CDH20: variants seen among roughly 807,000 people sequenced by gnomAD.
CDH20 encodes cadherin 20, also known as cadherin-20.
In CDH20, 29 loss-of-function variants were observed where a neutral mutation model predicts 74.2. The ratio of observed to expected loss-of-function variants is 0.39; its 90% CI spans 0.29 to 0.53. CDH20 has a LOEUF of 0.53. Ranked by LOEUF, CDH20 falls within the 20% of genes least tolerant of loss-of-function variation. CDH20 has a pLI of 0.69. For missense variants in CDH20, 988 were observed against 1,048.3 expected (o/e 0.94, Z 0.79); for synonymous variants, 469 against 405.4 (o/e 1.16, Z -1.88).
chr18:61,521,700 C>A (rs1912213014), intron 6 of CDH20, among the ~76,000 whole-genome samples: 1 of 151,324 alleles, frequency 6.6e-6, no homozygotes, highest in African/African-American at 2.5e-5. Flanking sequence ...CTGAATCCAG[C>A]AGCACATCAA....
rs73453542 is a variant in CDH20, at chr18:61,498,664, C to T, written c.247-522C>T. 7.5e-3 allele frequency among the ~76,000 whole-genome samples: 1,140 copies of T among 152,262 alleles called. 13 individuals are homozygous for T. The highest frequency in any genetic ancestry group is 0.026 in the African/African-American group (1,074 of 41,532). On this transcript the variant is annotated intron_variant, in intron 2 of 11. Transcript: ENST00000262717. ...ATCACAGAATGGGAGGAAGAATCCA[C>T]GGAGGTCATTCACTTTTCTCACTGC...
At chr18:61,392,544 T>C (rs1450486902) in intron 1 of CDH20, among the ~76,000 whole-genome samples, 1 of 152,164 alleles carries the variant, frequency 6.6e-6, no homozygotes, top group Non-Finnish European at 1.5e-5. Flanking sequence ...CTTGGAATTA[T>C]GTATTTCTAG....
At chr18:61,423,685 C>T (rs1374817268) in intron 1 of CDH20, among the ~76,000 whole-genome samples, 1 of 152,036 alleles carries the variant, frequency 6.6e-6, no homozygotes, top group Non-Finnish European at 1.5e-5. Context: ...CTGCTTCTCT[C>T]CAGCCTTCAC....
At chr18:61,428,483 G>A (rs1337731989) in intron 1 of CDH20, among the ~76,000 whole-genome samples, 1 of 152,116 alleles carries the variant, frequency 6.6e-6, no homozygotes, top group African/African-American at 2.4e-5. Flanking sequence ...AGCCACAGAT[G>A]GCTGCTGGGG....
At chr18:61,444,652 T>C (rs1191541014) in intron 1 of CDH20, among the ~76,000 whole-genome samples, 4 of 152,190 alleles carry the variant, frequency 2.6e-5, no homozygotes, top group Non-Finnish European at 5.9e-5. Flanking sequence ...GCAAGTCCTG[T>C]GCAAGTCTAC....
intron 1 of CDH20, among the ~76,000 whole-genome samples, chr18:61,373,521 T>C (rs1376670870): frequency 6.6e-6 from 1 of 152,104 alleles, no homozygotes; most frequent in Non-Finnish European, 1.5e-5. Flanking sequence ...CACTCTGATT[T>C]TGAGTTGTTG....
intron 1 of CDH20, among the ~76,000 whole-genome samples, chr18:61,368,535 A>G (rs1910932092): frequency 6.6e-6 from 1 of 152,088 alleles, no homozygotes; most frequent in Non-Finnish European, 1.5e-5. Flanking sequence ...TGTAATATAC[A>G]TAATATTTTA....
At chr18:61,472,174 AC>A (rs773962574) in intron 1 of CDH20, among the ~76,000 whole-genome samples, 4 of 150,732 alleles carry the variant, frequency 2.7e-5, no homozygotes, top group Admixed American at 6.6e-5. Context: ...GCTCCCTCCC[AC>A]CCCCATACAT....
intron 1 of CDH20, among the ~76,000 whole-genome samples, chr18:61,474,075 A>C (rs1047132546): frequency 1.3e-5 from 2 of 152,088 alleles, no homozygotes; most frequent in African/African-American, 4.8e-5. Flanking sequence ...CTTTGCTTCC[A>C]TCTCCCACCC....
intron 10 of CDH20, among the ~76,000 whole-genome samples, chr18:61,548,238 T>C (rs750998304): frequency 6.6e-6 from 1 of 152,192 alleles, no homozygotes; most frequent in Admixed American, 6.5e-5. Context: ...AGGTTATGCT[T>C]ATCTGAATTT....
intron 3 of CDH20, among the ~76,000 whole-genome samples, chr18:61,500,102 TAAAAA>T (rs534695760): frequency 1.8e-5 from 1 of 56,576 alleles, no homozygotes; most frequent in South Asian, 9.6e-4. Flanking sequence ...GACTCCATCT[TAAAAA>T]AAAAAAAAAA....
chr18:61,477,395 A>G (rs565288936), intron 1 of CDH20, among the ~76,000 whole-genome samples: 1 of 152,206 alleles, frequency 6.6e-6, no homozygotes, highest in African/African-American at 2.4e-5. Context: ...TTACTGTACT[A>G]GTTTATTCTG....
At chr18:61,347,593 T>C (rs1910173039) in intron 1 of CDH20, among the ~76,000 whole-genome samples, 1 of 151,844 alleles carries the variant, frequency 6.6e-6, no homozygotes, top group Non-Finnish European at 1.5e-5. Context: ...AACACATGCT[T>C]TGTTAAACGT....
intron 3 of CDH20, among the ~76,000 whole-genome samples, chr18:61,500,102 TAAAAAAAAAAAAAAA>T (rs534695760): frequency 3.4e-4 from 19 of 56,540 alleles, no homozygotes; most frequent in Non-Finnish European, 5.2e-4. Flanking sequence ...GACTCCATCT[TAAAAAAAAAAAAAAA>T]AAAAAAAAAA....
At chr18:61,396,219 T>C (rs1911972747) in intron 1 of CDH20, among the ~76,000 whole-genome samples, 1 of 152,152 alleles carries the variant, frequency 6.6e-6, no homozygotes, top group African/African-American at 2.4e-5. Flanking sequence ...CTGCTATTAA[T>C]AGTATTGCCC....
chr18:61,454,066 A>T (rs937534906), intron 1 of CDH20, among the ~76,000 whole-genome samples: 2 of 152,136 alleles, frequency 1.3e-5, no homozygotes, highest in East Asian at 3.9e-4. Flanking sequence ...AATGATGTTT[A>T]ACATCTTTTC....
At chr18:61,376,674 A>G (rs1911243791) in intron 1 of CDH20, among the ~76,000 whole-genome samples, 1 of 152,212 alleles carries the variant, frequency 6.6e-6, no homozygotes, top group Non-Finnish European at 1.5e-5. Flanking sequence ...GGGATTATTG[A>G]TGAGAAAAGG....
intron 2 of CDH20, among the ~76,000 whole-genome samples, chr18:61,492,559 C>G (rs1307737569): frequency 6.6e-6 from 1 of 152,210 alleles, no homozygotes; most frequent in African/African-American, 2.4e-5. Context: ...CTCCTGGCAT[C>G]CACCCATGGC....
chr18:61,372,611 G>C (rs907079139), intron 1 of CDH20, among the ~76,000 whole-genome samples: 1 of 152,074 alleles, frequency 6.6e-6, no homozygotes, highest in Non-Finnish European at 1.5e-5. Flanking sequence ...TCTTTAAATG[G>C]TTGGGAAAAA....
Sources: gnomAD v4.1 joint callset for allele counts (sites outside exome capture counted in the v4.1 genomes callset) on GRCh38, gnomAD v4.1.1 for gene constraint, MANE v1.5 for transcripts, NCBI Gene and HGNC (gene_info 2026-07-23, HGNC 2026-07-21) for gene names.